Variants in HPSE2 observed in about 807,000 individuals in gnomAD.
HPSE2 encodes the protein heparanase 2 (inactive).
HPSE2 carries 38 observed loss-of-function variants against 60.5 expected under a neutral mutation model. That is an observed-to-expected ratio of 0.63 (90% CI 0.48 to 0.82). HPSE2 has a LOEUF of 0.82. Ranked by LOEUF, HPSE2 falls within the 40% of genes least tolerant of loss-of-function variation. HPSE2 has a pLI of 0.00. For synonymous variants in HPSE2, 295 were observed against 293.2 expected (o/e 1.01, Z -0.06); for missense variants, 713 against 740.4 (o/e 0.96, Z 0.43).
chr10:98,945,419 T>C (rs910964803), intron 3 of HPSE2, among the ~76,000 whole-genome samples: 4 of 152,144 alleles, frequency 2.6e-5, no homozygotes, highest in African/African-American at 4.8e-5. Context: ...CTTATCATAT[T>C]TGTAGATGAT....
intron 3 of HPSE2, among the ~76,000 whole-genome samples, chr10:99,008,003 CAACTG>C (rs1160960604): frequency 6.6e-6 from 1 of 152,172 alleles, no homozygotes; most frequent in Non-Finnish European, 1.5e-5. Context: ...TTTGGCAATT[CAACTG>C]ACTTAGGCAG....
intron 3 of HPSE2, among the ~76,000 whole-genome samples, chr10:98,750,786 A>G (rs1346669645): frequency 6.6e-6 from 1 of 152,158 alleles, no homozygotes; most frequent in African/African-American, 2.4e-5. Context: ...GGCTTGGGGC[A>G]TGTTAAGTTT....
chr10:98,905,127 T>C (rs2134995486), intron 3 of HPSE2, among the ~76,000 whole-genome samples: 1 of 152,302 alleles, frequency 6.6e-6, no homozygotes, highest in Non-Finnish European at 1.5e-5. Flanking sequence ...TTTATCCCTA[T>C]ATACTTTTAT....
At chr10:98,852,745 G>T (rs554140242) in intron 3 of HPSE2, among the ~76,000 whole-genome samples, 8 of 152,292 alleles carry the variant, frequency 5.3e-5, no homozygotes, top group Admixed American at 3.3e-4. Flanking sequence ...GTTGTGGTGT[G>T]AGAATAGAAG....
chr10:98,991,253 G>A (rs142000952), intron 3 of HPSE2, among the ~76,000 whole-genome samples: 1 of 152,294 alleles, frequency 6.6e-6, no homozygotes, highest in Non-Finnish European at 1.5e-5. Context: ...AAAGGAGTTA[G>A]AAAGTGCTGA....
intron 4 of HPSE2, among the ~76,000 whole-genome samples, chr10:98,727,453 C>G (rs1007441974): frequency 2.1e-4 from 32 of 152,198 alleles, no homozygotes; most frequent in Non-Finnish European, 2.9e-5. Flanking sequence ...GATTTTAAGA[C>G]CAGCCTGGCC....
At chr10:98,762,245 T>C (rs944359714) in intron 3 of HPSE2, among the ~76,000 whole-genome samples, 1 of 134,086 alleles carries the variant, frequency 7.5e-6, no homozygotes, top group Non-Finnish European at 1.5e-5. Context: ...CTCACCAGTT[T>C]GCCTCTAAAG....
chr10:98,859,120 G>A (rs533243279), intron 3 of HPSE2, among the ~76,000 whole-genome samples: 31 of 152,120 alleles, frequency 2.0e-4, no homozygotes, highest in Non-Finnish European at 4.3e-4. Context: ...GTTTTTCATA[G>A]AGAAAATTCA....
intron 9 of HPSE2, among the ~76,000 whole-genome samples, chr10:98,557,203 ACT>A (rs1422276153): frequency 7.2e-5 from 11 of 151,824 alleles, no homozygotes; most frequent in Admixed American, 7.2e-4. Context: ...ACAGAGCAAG[ACT>A]CTGTCTCCAA....
chr10:98,488,759 A>C (rs1941533746), intron 10 of HPSE2, among the ~76,000 whole-genome samples: 1 of 152,238 alleles, frequency 6.6e-6, no homozygotes, highest in Non-Finnish European at 1.5e-5. Flanking sequence ...AGATAACTCC[A>C]GGCCAAGGCC....
At chr10:98,698,690 A>G (rs1589661856) in intron 5 of HPSE2, among the ~76,000 whole-genome samples, 1 of 152,192 alleles carries the variant, frequency 6.6e-6, no homozygotes. Flanking sequence ...CAAAAAATTA[A>G]TGAATCCAGG....
chr10:98,497,523 T>G (rs1355662275), intron 9 of HPSE2, among the ~76,000 whole-genome samples: 6 of 152,204 alleles, frequency 3.9e-5, no homozygotes, highest in Non-Finnish European at 1.5e-5. Context: ...TATCATTTAT[T>G]TTAATATCTA....
At chr10:98,902,452 T>C (rs905785272) in intron 3 of HPSE2, among the ~76,000 whole-genome samples, 3 of 152,170 alleles carry the variant, frequency 2.0e-5, no homozygotes, top group Non-Finnish European at 2.9e-5. Flanking sequence ...GTGCTGCCTA[T>C]AGATTATAGC....
At chr10:98,460,122 A>C (rs1940224066) in intron 11 of HPSE2, among the ~76,000 whole-genome samples, 1 of 152,188 alleles carries the variant, frequency 6.6e-6, no homozygotes, top group Non-Finnish European at 1.5e-5. Context: ...CTATTTTTTA[A>C]AAATCACAAT....
chr10:99,197,659 C>T (rs1441802951), intron 2 of HPSE2, among the ~76,000 whole-genome samples: 5 of 152,020 alleles, frequency 3.3e-5, no homozygotes, highest in African/African-American at 1.2e-4. Flanking sequence ...TATAGAAATA[C>T]TAATATAAAA....
At chr10:98,647,453 T>C (rs1946802412) in intron 6 of HPSE2, among the ~76,000 whole-genome samples, 1 of 152,178 alleles carries the variant, frequency 6.6e-6, no homozygotes, top group Non-Finnish European at 1.5e-5. Context: ...TCCGGACTTA[T>C]TTTGCTCCCT....
At chr10:99,199,982 C>T (rs542355638) in intron 2 of HPSE2, among the ~76,000 whole-genome samples, 127 of 152,166 alleles carry the variant, frequency 8.3e-4, no homozygotes, top group Middle Eastern at 3.4e-3. Flanking sequence ...TAGTTTTCAG[C>T]ATAGTAGTCT....
chr10:98,692,661 C>T (rs7917773), intron 6 of HPSE2, among the ~76,000 whole-genome samples: 53,360 of 151,510 alleles, frequency 0.35, 9,572 homozygotes, highest in Admixed American at 0.41. Context: ...CCCAGCTACT[C>T]GGGAGGCTGA....
intron 3 of HPSE2, among the ~76,000 whole-genome samples, chr10:98,849,218 T>C (rs1952108699): frequency 6.6e-6 from 1 of 152,170 alleles, no homozygotes; most frequent in Non-Finnish European, 1.5e-5. Context: ...TAATGATACC[T>C]TCCTTCCCTC....
Sources: gnomAD v4.1 joint callset for allele counts (sites outside exome capture counted in the v4.1 genomes callset) on GRCh38, gnomAD v4.1.1 for gene constraint, MANE v1.5 for transcripts, NCBI Gene and HGNC (gene_info 2026-07-23, HGNC 2026-07-21) for gene names.